The following RHOBTB1 variants were observed in gnomAD, a reference collection of about 807,000 sequenced individuals.
RHOBTB1 encodes the protein rho-related BTB domain-containing protein 1.
In RHOBTB1, 40 loss-of-function variants were observed where a neutral mutation model predicts 71.6. The ratio of observed to expected loss-of-function variants is 0.56; its 90% CI spans 0.43 to 0.73. The LOEUF (loss-of-function observed/expected upper bound fraction) is 0.73. RHOBTB1 is among the 30% of genes least tolerant of loss of function. RHOBTB1 has a pLI of 0.00. For synonymous variants in RHOBTB1, 319 were observed against 334.9 expected (o/e 0.95, Z 0.52); for missense variants, 797 against 894.0 (o/e 0.89, Z 1.38).
At chr10:60,906,422 T>C (rs900816481) in intron 4 of RHOBTB1, among the ~76,000 whole-genome samples, 1 of 152,260 alleles carries the variant, frequency 6.6e-6, no homozygotes. Context: ...CAGTACTGTG[T>C]AAGATTCAGA....
At chr10:60,871,979 A>G in intron 10 of RHOBTB1, 1 of 631,680 alleles carries the variant, frequency 1.6e-6, no homozygotes, top group South Asian at 1.9e-5. Context: ...AGCCCACCCA[A>G]CTCCCCTCAT....
intron 2 of RHOBTB1, among the ~76,000 whole-genome samples, chr10:60,965,653 T>G (rs910398518): frequency 2.0e-5 from 3 of 152,216 alleles, no homozygotes; most frequent in Non-Finnish European, 4.4e-5. Flanking sequence ...AATAACTGAA[T>G]GAATGAATGA....
chr10:60,882,159 C>A (rs993736019), intron 7 of RHOBTB1, among the ~76,000 whole-genome samples: 1 of 149,774 alleles, frequency 6.7e-6, no homozygotes, highest in African/African-American at 2.5e-5. Flanking sequence ...ATAATGGAAT[C>A]AAAAAATTTC....
the RHOBTB1 span, among the ~76,000 whole-genome samples, chr10:60,863,267 G>A: frequency 1.8e-4 from 28 of 152,250 alleles, no homozygotes; most frequent in African/African-American, 6.7e-4. Flanking sequence ...ACATTATTTG[G>A]GGGGAGTACA....
rs2081723170 is a variant in RHOBTB1, at chr10:60,888,548, A to G, written c.1120T>C (p.Trp374Arg). Residue 374 changes from tryptophan to arginine, a missense_variant, in exon 6 of 11, where the codon TGG becomes CGG. Transcript: ENST00000337910. The part of the protein sequence containing the change: ...AVPETQTLTG[W>R]SKGFIGMHRE... The stretch of plus-strand genomic sequence containing the variant: ...TGCATGCCAATGAACCCCTTACTCC[A>G]TCCGGTCAAAGTCTGTGTCTCAGGA... 6.2e-7 allele frequency: 1 copy of G among 1,614,004 alleles called. No homozygotes were observed. Among genetic ancestry groups the G allele is most frequent in the African/African-American group, 1.3e-5 (1 of 74,920 alleles).
chr10:60,978,318 A>T (rs1035574169), intron 2 of RHOBTB1, among the ~76,000 whole-genome samples: 6 of 152,130 alleles, frequency 3.9e-5, no homozygotes, highest in African/African-American at 1.4e-4. Flanking sequence ...CTGGCTGTTC[A>T]CATCTCCAAC....
At chr10:60,888,182 A>C (rs777657024) in intron 6 of RHOBTB1, 30 bp downstream of exon 6, 1 of 1,590,500 alleles carries the variant, frequency 6.3e-7, no homozygotes, top group African/African-American at 1.4e-5. Flanking sequence ...AATCAAAGGT[A>C]TTAATGGCTC....
At chr10:60,970,107 T>A (rs1366719487) in intron 2 of RHOBTB1, among the ~76,000 whole-genome samples, 1 of 152,184 alleles carries the variant, frequency 6.6e-6, no homozygotes, top group African/African-American at 2.4e-5. Flanking sequence ...ATGCTGTGGA[T>A]GAAGCTTGCT....
At chr10:60,952,688 C>A (rs565531976) in intron 2 of RHOBTB1, among the ~76,000 whole-genome samples, 1 of 152,334 alleles carries the variant, frequency 6.6e-6, no homozygotes, top group Admixed American at 6.5e-5. Context: ...CAATGCATGA[C>A]ATCATCCTAT....
chr10:60,888,263 C>T lies in RHOBTB1; in HGVS notation c.1405G>A (p.Val469Ile), dbSNP rs752644143. 4 of 1,614,046 alleles carry T rather than the reference C, an allele frequency of 2.5e-6. No homozygotes were observed. Among genetic ancestry groups the T allele is most frequent in the East Asian group, 2.2e-5 (1 of 44,854 alleles). The change falls in exon 6 of 11, where the codon GTA becomes ATA. Residue 469 changes from valine (V) to isoleucine (I), a missense_variant. Physicochemically the swap from Val to Ile is conservative, Grantham distance 29. Coordinates refer to ENST00000337910, the MANE Select transcript of RHOBTB1 (RefSeq NM_014836.5). ...TCTTTTATCCGATTGGCTTTCCTTA[C>T]GTGAAAGGCTTTCGTAATCTCCTGG... ...MNQEITKAFH[V>I]RKANRIKECL...
intron 7 of RHOBTB1, among the ~76,000 whole-genome samples, chr10:60,878,759 T>C (rs2081169022): frequency 6.6e-6 from 1 of 152,222 alleles, no homozygotes; most frequent in Admixed American, 6.5e-5. Context: ...TGAGTGCCTG[T>C]AGTTGTCCAT....
chr10:60,862,628 CTTCT>C, the RHOBTB1 span, among the ~76,000 whole-genome samples: 98 of 124,568 alleles, frequency 7.9e-4, 3 homozygotes, highest in East Asian at 1.3e-3. Context: ...TCCTTCCTTC[CTTCT>C]CTTTTTCCTT....
At chr10:60,948,810 C>T (rs1565113325), upstream of RHOBTB1, among the ~76,000 whole-genome samples, 1 of 152,212 alleles carries the variant, frequency 6.6e-6, no homozygotes, top group Non-Finnish European at 1.5e-5. Flanking sequence ...CAACAACTTT[C>T]TGGCTTCCTA....
Position 60,889,158 on chromosome 10 carries a change from G to C in RHOBTB1, c.510C>G (p.Pro170=). The change falls in exon 6 of 11, where the codon CCC becomes CCG. Residue 170 remains proline, a synonymous_variant. Coordinates refer to ENST00000337910, the MANE Select transcript of RHOBTB1 (RefSeq NM_014836.5). The part of the protein sequence containing the change: ...ARPIKRGDIL[P]PEKGREVAKE... Reference sequence around the variant, plus strand: ...TTGCTACCTCTCGGCCTTTTTCTGGGGGCAAAATATCCCCTCTCTTTATGG... The same window carrying C: ...TTGCTACCTCTCGGCCTTTTTCTGGCGGCAAAATATCCCCTCTCTTTATGG... 6.2e-7 allele frequency: 1 copy of C among 1,612,122 alleles called. No individual in the cohort carries two copies. Among genetic ancestry groups the C allele is most frequent in the Middle Eastern group, 1.7e-4 (1 of 6,040 alleles).
intron 1 of RHOBTB1, among the ~76,000 whole-genome samples, chr10:60,998,103 G>A (rs4948438): frequency 6.6e-6 from 1 of 152,140 alleles, no homozygotes; most frequent in Non-Finnish European, 1.5e-5. Flanking sequence ...GGTTGTACTA[G>A]GTGCAGTGTG....
intron 7 of RHOBTB1, among the ~76,000 whole-genome samples, chr10:60,882,592 CA>C (rs1353266794): frequency 7.3e-6 from 1 of 136,834 alleles, no homozygotes; most frequent in African/African-American, 2.7e-5. Context: ...ATTAATTCTC[CA>C]AAAAAGGCTG....
At chr10:60,906,729 A>G (rs766970720) in intron 4 of RHOBTB1, among the ~76,000 whole-genome samples, 7 of 152,340 alleles carry the variant, frequency 4.6e-5, no homozygotes, top group Non-Finnish European at 7.4e-5. Context: ...TATCACTGTC[A>G]GCAACATAGG....
chr10:60,961,548 C>A (rs2085777830), intron 2 of RHOBTB1, among the ~76,000 whole-genome samples: 1 of 152,062 alleles, frequency 6.6e-6, no homozygotes, highest in Non-Finnish European at 1.5e-5. Context: ...TCACATGGAT[C>A]TAGATTCAGA....
At chr10:60,894,920 T>C (rs927675266) in intron 4 of RHOBTB1, among the ~76,000 whole-genome samples, 5 of 152,234 alleles carry the variant, frequency 3.3e-5, no homozygotes, top group African/African-American at 1.2e-4. Flanking sequence ...AATTTTATGA[T>C]ACAGCATGTG....
Sources: gnomAD v4.1 joint callset for allele counts (sites outside exome capture counted in the v4.1 genomes callset) on GRCh38, gnomAD v4.1.1 for gene constraint, MANE v1.5 for transcripts, NCBI Gene and HGNC (gene_info 2026-07-23, HGNC 2026-07-21) for gene names.